ZNF708: variants seen among roughly 807,000 people sequenced by gnomAD.
ZNF708 encodes ZNF15, ZNF15L1.
ZNF708 carries 44 observed loss-of-function variants against 47.0 expected under a neutral mutation model. That is an observed-to-expected ratio of 0.94 (90% CI 0.74 to 1.20). ZNF708 has a LOEUF of 1.20. Among genes scored for constraint, ZNF708 ranks in the 50% most tolerant of loss-of-function variants. The pLI, the probability that ZNF708 is intolerant of heterozygous loss-of-function variation, is 0.00. For missense variants in ZNF708, 557 were observed against 656.0 expected (o/e 0.85, Z 1.65); for synonymous variants, 184 against 218.5 (o/e 0.84, Z 1.39).
At position 21,297,299 on chromosome 19, in the gene ZNF708, T is replaced by TCC. The variant is rs1555720577; in HGVS notation, c.227-2561_227-2560insGG. 1.0e-3 allele frequency among the ~76,000 whole-genome samples: 93 copies of TCC among 89,166 alleles called. 1 individual carries two copies. Among genetic ancestry groups the TCC allele is most frequent in the African/African-American group, 3.2e-3 (83 of 26,152 alleles). The allele number at this position is 89,166 out of a possible 152,430, so 58.5% of individuals were successfully genotyped here. Reference sequence around the variant, plus strand: ...TTTTTTTTTTTTTTTTTTTTTTTTTTCAGATGGAGTCTCACTCTGTCGCCC... The same window carrying TCC: ...TTTTTTTTTTTTTTTTTTTTTTTTTTCCCAGATGGAGTCTCACTCTGTCGCCC... On this transcript the variant is annotated intron_variant, in intron 3 of 3. Coordinates refer to ENST00000356929, the MANE Select transcript of ZNF708 (RefSeq NM_021269.3).
chr19:21,301,046 A>C (rs1972650102), intron 3 of ZNF708, among the ~76,000 whole-genome samples: 1 of 152,212 alleles, frequency 6.6e-6, no homozygotes, highest in South Asian at 2.1e-4. Context: ...ATAACTCAAA[A>C]ATATAAAATT....
At chr19:21,305,606 C>T (rs1299137603) in intron 3 of ZNF708, among the ~76,000 whole-genome samples, 1 of 150,522 alleles carries the variant, frequency 6.6e-6, no homozygotes, top group African/African-American at 2.4e-5. Flanking sequence ...ATACAGGCAC[C>T]CGCCACCACG....
At chr19:21,321,480 C>T (rs1175585446) in intron 1 of ZNF708, among the ~76,000 whole-genome samples, 1 of 151,680 alleles carries the variant, frequency 6.6e-6, no homozygotes, top group African/African-American at 2.4e-5. Flanking sequence ...CCCAGCCACT[C>T]AGGAGGCAGG....
In ZNF708 at chr19:21,297,554, A is replaced by T. The variant is rs911819336; in HGVS notation, c.227-2815T>A. 3.3e-5 allele frequency among the ~76,000 whole-genome samples: 5 copies of T among 151,680 alleles called. No individual in the cohort carries two copies. The East Asian group carries it at 9.6e-4, about 29-fold the overall frequency. On this transcript the variant is annotated intron_variant, in intron 3 of 3. Coordinates refer to ENST00000356929, the MANE Select transcript of ZNF708 (RefSeq NM_021269.3). ...AAGGACACAAAAGAAGACAGAGGGA[A>T]AATGAGGGACAAAGATACAAGAATT... is the stretch of plus-strand genomic sequence containing the variant.
intron 1 of ZNF708, among the ~76,000 whole-genome samples, chr19:21,323,347 T>C (rs1251234101): frequency 6.6e-6 from 1 of 152,184 alleles, no homozygotes; most frequent in Non-Finnish European, 1.5e-5. Context: ...TTTACTTAAG[T>C]TTGTCTTTTT....
At chr19:21,328,036 T>G in intron 1 of ZNF708, 6 of 988,224 alleles carry the variant, frequency 6.1e-6, no homozygotes, top group Non-Finnish European at 7.2e-6. Context: ...AGTCATGATG[T>G]GTATCTTGGT....
At chr19:21,312,521 G>A (rs1488794646) in intron 1 of ZNF708, among the ~76,000 whole-genome samples, 1 of 152,162 alleles carries the variant, frequency 6.6e-6, no homozygotes, top group Non-Finnish European at 1.5e-5. Context: ...GAGCCTGTGA[G>A]GAGGGGTGAA....
Position 21,293,864 on chromosome 19 carries a change from C to A in ZNF708, c.1102G>T (p.Glu368Ter). 1 of 1,613,302 alleles carries A rather than the reference C, an allele frequency of 6.2e-7. No individual in the cohort carries two copies. Among genetic ancestry groups the A allele is most frequent in the South Asian group, 1.1e-5 (1 of 91,060 alleles). ...GACCGGTTAAAAGCTTTGCCACATTCTTCACATTTGTAGGGTTTCTCTTCA... is the reference window on the plus strand; with the variant it reads ...GACCGGTTAAAAGCTTTGCCACATTATTCACATTTGTAGGGTTTCTCTTCA... The part of the protein sequence containing the change: ...HTEEKPYKCE[E>*]CGKAFNRSSH... The change falls in exon 4 of 4, where the codon GAA (glutamate) becomes TAA (stop). Residue 368 changes from glutamate (E) to a stop codon, truncating the protein, a stop_gained. Transcript: ENST00000356929. LOFTEE classifies it high-confidence loss of function.
chr19:21,293,857 C>T lies in ZNF708; in HGVS notation c.1109G>A (p.Gly370Asp), dbSNP rs1972458484. The change falls in exon 4 of 4, where the codon GGC (glycine) becomes GAC (aspartate). Residue 370 changes from glycine to aspartate, a missense_variant. Physicochemically the swap from Gly to Asp is moderately conservative, Grantham distance 94. Coordinates refer to ENST00000356929, the MANE Select transcript of ZNF708 (RefSeq NM_021269.3). ...GTGTGAGGACCGGTTAAAAGCTTTG[C>T]CACATTCTTCACATTTGTAGGGTTT... is the stretch of plus-strand genomic sequence containing the variant. ...EEKPYKCEEC[G>D]KAFNRSSHLT... is the part of the protein sequence containing the mutation. 4 of 1,613,150 alleles carry T rather than the reference C, an allele frequency of 2.5e-6. No homozygotes were observed. The highest frequency in any genetic ancestry group is 2.5e-6 in the Non-Finnish European group (3 of 1,179,756).
intron 3 of ZNF708, 22 bp downstream of exon 3, chr19:21,309,224 T>C (rs757274247): frequency 1.1e-5 from 18 of 1,567,706 alleles, no homozygotes; most frequent in Admixed American, 3.6e-5. Context: ...CTGTGTCATC[T>C]GTTGTGTTCA....
intron 3 of ZNF708, among the ~76,000 whole-genome samples, chr19:21,300,135 C>G (rs867195800): frequency 1.3e-5 from 2 of 151,736 alleles, no homozygotes; most frequent in Non-Finnish European, 2.9e-5. Context: ...GAAACCCCAT[C>G]TCTACTAAAA....
Position 21,294,147 on chromosome 19 carries a change from A to C in ZNF708, c.819T>G (p.Val273=). The change falls in exon 4 of 4, where the codon GTT becomes GTG. Residue 273 remains valine (V), a synonymous_variant. Coordinates refer to ENST00000356929, the MANE Select transcript of ZNF708 (RefSeq NM_021269.3). The part of the protein sequence containing the change: ...RSSNLTKHKI[V]HTGEKPYKCE... ...ATTTGTAGGGTTTCTCTCCAGTATG[A>C]ACTATCTTATGTTTAGTAAGGTTTG... The C allele has an allele frequency of 6.2e-7, 1 of 1,612,382 alleles. No individual in the cohort carries two copies.
At chr19:21,313,285 C>T (rs1299064044) in intron 1 of ZNF708, among the ~76,000 whole-genome samples, 1 of 134,234 alleles carries the variant, frequency 7.4e-6, no homozygotes, top group Non-Finnish European at 1.6e-5. Context: ...AAGACCCTGT[C>T]TCAAAAAAAA....
chr19:21,311,129 T>C (rs1972890839), intron 1 of ZNF708, among the ~76,000 whole-genome samples: 1 of 152,198 alleles, frequency 6.6e-6, no homozygotes, highest in Admixed American at 6.5e-5. Context: ...AAAAGAATAT[T>C]TTGTCAAACA....
At chr19:21,318,975 A>AT (rs1409230004) in intron 1 of ZNF708, among the ~76,000 whole-genome samples, 1 of 152,216 alleles carries the variant, frequency 6.6e-6, no homozygotes, top group Non-Finnish European at 1.5e-5. Flanking sequence ...GATATTAGCT[A>AT]TATAAATAAA....
At chr19:21,306,363 C>T (rs930128387) in intron 3 of ZNF708, among the ~76,000 whole-genome samples, 3 of 151,960 alleles carry the variant, frequency 2.0e-5, no homozygotes, top group Non-Finnish European at 1.5e-5. Context: ...ATATAAACAA[C>T]TCTTAAAACT....
Position 21,292,988 on chromosome 19 carries a change from G to T in ZNF708, c.*286C>A. ...ACCAGTATGATTTATTTTATGTTTAGAAAAGTTTGAGGTGTTGTCAGAATT... is the reference window on the plus strand; with the variant it reads ...ACCAGTATGATTTATTTTATGTTTATAAAAGTTTGAGGTGTTGTCAGAATT... On this transcript the variant is annotated 3_prime_UTR_variant, in exon 4 of 4. Transcript: ENST00000356929. The T allele has an allele frequency of 3.3e-6, 1 of 298,518 alleles. No individual in the cohort carries two copies. The allele number at this position is 298,518 out of a possible 1,614,324, so 18.5% of individuals were successfully genotyped here.
At chr19:21,325,734 A>G (rs533038208) in intron 1 of ZNF708, among the ~76,000 whole-genome samples, 133 of 152,306 alleles carry the variant, frequency 8.7e-4, no homozygotes, top group African/African-American at 3.1e-3. Flanking sequence ...ATTAAATTAA[A>G]TAGTTTTTAC....
intron 3 of ZNF708, among the ~76,000 whole-genome samples, chr19:21,301,324 C>CA (rs1281121611): frequency 1.3e-5 from 2 of 151,468 alleles, no homozygotes; most frequent in Non-Finnish European, 3.0e-5. Context: ...TAAAAAAATA[C>CA]AAAAGTTAGA....
Sources: allele counts gnomAD v4.1 joint callset (sites outside exome capture counted in the v4.1 genomes callset), GRCh38; gene constraint gnomAD v4.1.1; transcripts MANE v1.5; gene names NCBI Gene and HGNC (gene_info 2026-07-23, HGNC 2026-07-21).